Variants in GAD2 observed in about 807,000 individuals in gnomAD.
The protein encoded by GAD2 is 65 kDa glutamic acid decarboxylase.
In GAD2, 22 loss-of-function variants were observed where a neutral mutation model predicts 80.1. The observed-to-expected ratio is 0.27, with a 90% confidence interval of 0.20 to 0.39. GAD2 has a LOEUF of 0.39. Among genes scored for constraint, GAD2 ranks in the 10% least tolerant of loss-of-function variants. The probability of loss-of-function intolerance (pLI) is 1.00; values close to 1 mark genes in which losing one functional copy is unlikely to be tolerated. For synonymous variants in GAD2, 274 were observed against 256.9 expected (o/e 1.07, Z -0.64); for missense variants, 624 against 738.4 (o/e 0.85, Z 1.80).
chr10:26,228,861 G>A (rs1844562612), intron 6 of GAD2, among the ~76,000 whole-genome samples: 1 of 151,928 alleles, frequency 6.6e-6, no homozygotes, highest in African/African-American at 2.4e-5. Context: ...ACGCATCACT[G>A]CTGCCAAAAA....
At chr10:26,290,285 G>A (rs572603862) in intron 13 of GAD2, among the ~76,000 whole-genome samples, 1 of 152,280 alleles carries the variant, frequency 6.6e-6, no homozygotes, top group East Asian at 1.9e-4. Flanking sequence ...CATCATAAAA[G>A]ACAGATTAGG....
At chr10:26,260,129 A>G (rs978969907) in intron 8 of GAD2, among the ~76,000 whole-genome samples, 2 of 152,224 alleles carry the variant, frequency 1.3e-5, no homozygotes, top group African/African-American at 4.8e-5. Context: ...TGTTTTTTAC[A>G]TAGCAAATAT....
chr10:26,249,854 G>A (rs1254410157), intron 8 of GAD2, among the ~76,000 whole-genome samples: 1 of 152,120 alleles, frequency 6.6e-6, no homozygotes, highest in East Asian at 1.9e-4. Flanking sequence ...AGGAGTGGTG[G>A]GGGAAAGGGA....
intron 7 of GAD2, among the ~76,000 whole-genome samples, chr10:26,240,593 A>G (rs1242727838): frequency 1.3e-5 from 2 of 152,034 alleles, no homozygotes; most frequent in Admixed American, 6.6e-5. Flanking sequence ...TTAGCCAGGC[A>G]TGGTGGCAGG....
At chr10:26,292,343 T>C in intron 13 of GAD2, 122 bp from the exon 14 acceptor site, 1 of 691,504 alleles carries the variant, frequency 1.4e-6, no homozygotes, top group Non-Finnish European at 2.5e-6. Context: ...GAAACAGCCT[T>C]GTGTTGAGAA....
chr10:26,249,174 C>T (rs183981716), intron 8 of GAD2, among the ~76,000 whole-genome samples: 54 of 152,178 alleles, frequency 3.5e-4, no homozygotes, highest in African/African-American at 1.2e-3. Context: ...GCGATTCTTG[C>T]GCCTCAGCCT....
rs914053467 is a variant in GAD2, at chr10:26,304,171, C to T, written c.*3210C>T. On this transcript the variant is annotated 3_prime_UTR_variant, in exon 16 of 16. Coordinates refer to ENST00000376261, the MANE Select transcript of GAD2 (RefSeq NM_001134366.2). The stretch of plus-strand genomic sequence containing the variant: ...ATGGAGTGTCACCAGCTGCCAAAAT[C>T]GTAGGTGTTGGCTCTGCTGGTCACT... The T allele has an allele frequency of 1.3e-5, 2 of 152,568 alleles. No homozygotes were observed. The highest frequency in any genetic ancestry group is 4.8e-5 in the African/African-American group (2 of 41,452). 9.5% of individuals were successfully genotyped at this position (152,568 alleles called of 1,614,324 possible).
intron 8 of GAD2, among the ~76,000 whole-genome samples, chr10:26,252,989 A>G (rs907894491): frequency 7.9e-5 from 12 of 152,202 alleles, no homozygotes; most frequent in Non-Finnish European, 1.6e-4. Flanking sequence ...CACAGGGGCT[A>G]ACTTTGGGTG....
At chr10:26,290,329 G>A (rs1834199270) in intron 13 of GAD2, among the ~76,000 whole-genome samples, 1 of 152,182 alleles carries the variant, frequency 6.6e-6, no homozygotes, top group Admixed American at 6.5e-5. Context: ...CACATCTGGG[G>A]AATTTAAAGG....
intron 7 of GAD2, among the ~76,000 whole-genome samples, chr10:26,236,581 G>A (rs955789020): frequency 1.3e-5 from 2 of 152,070 alleles, no homozygotes; most frequent in African/African-American, 4.8e-5. Context: ...AATTACAGGC[G>A]TGAGCCACCG....
rs1844388530 is a variant in GAD2 at position 26,217,415 on chromosome 10, G to A, written c.77-195G>A. On this transcript the variant is annotated intron_variant, in intron 1 of 15. Coordinates refer to ENST00000376261, the MANE Select transcript of GAD2 (RefSeq NM_001134366.2). The surrounding 1 kb of genome is among the most constrained non-coding windows in gnomAD (Gnocchi z 4.9). ...CTCGGGAAACAGATAAAGGAAATGA[G>A]GGCTGGCCCGGGCCGCCAGCCTCCC... Among the ~76,000 whole-genome samples the A allele has an allele frequency of 6.6e-6, 1 of 152,170 alleles. No homozygotes were observed. The highest frequency in any genetic ancestry group is 2.4e-5 in the African/African-American group (1 of 41,440).
chr10:26,296,964 G>C (rs1454893496), intron 15 of GAD2, among the ~76,000 whole-genome samples: 1 of 151,962 alleles, frequency 6.6e-6, no homozygotes, highest in African/African-American at 2.4e-5. Flanking sequence ...GCCCAGGCTG[G>C]AGTACAGTGG....
chr10:26,238,008 A>T (rs1213740166), intron 7 of GAD2, among the ~76,000 whole-genome samples: 1 of 54,542 alleles, frequency 1.8e-5, no homozygotes, highest in Admixed American at 2.0e-4. Flanking sequence ...TCACACAGAC[A>T]CACACACACA....
intron 7 of GAD2, among the ~76,000 whole-genome samples, chr10:26,233,222 T>C (rs1027690706): frequency 6.6e-6 from 1 of 152,208 alleles, no homozygotes; most frequent in Admixed American, 6.5e-5. Context: ...ATGCACCGAC[T>C]ACCACTGTAG....
chr10:26,228,048 C>T (rs76402896), intron 6 of GAD2, among the ~76,000 whole-genome samples: 9,291 of 152,328 alleles, frequency 0.061, 364 homozygotes, highest in Non-Finnish European at 0.085. Context: ...ACATGGAGCC[C>T]TCCTGCTCCT....
At chr10:26,238,909 G>A (rs80061323) in intron 7 of GAD2, among the ~76,000 whole-genome samples, 2,087 of 152,250 alleles carry the variant, frequency 0.014, 43 homozygotes, top group African/African-American at 0.046. Flanking sequence ...AGCGAATGGA[G>A]GTGTCAGAAG....
intron 8 of GAD2, among the ~76,000 whole-genome samples, chr10:26,262,447 G>T (rs1273102555): frequency 1.3e-5 from 2 of 150,998 alleles, no homozygotes; most frequent in African/African-American, 2.4e-5. Flanking sequence ...CAAATGTTAC[G>T]TTTTCTCTCT....
At chr10:26,239,007 T>A (rs1844709206) in intron 7 of GAD2, among the ~76,000 whole-genome samples, 1 of 151,922 alleles carries the variant, frequency 6.6e-6, no homozygotes, top group Non-Finnish European at 1.5e-5. Flanking sequence ...TCAGGAAGCA[T>A]GAGGAAGGGT....
Position 26,258,109 on chromosome 10 carries a change from C to T in GAD2, c.921-11010C>T, listed in dbSNP as rs1844966745. On this transcript the variant is annotated intron_variant, in intron 8 of 15. Transcript: ENST00000376261. ...ACACTGATTGAGAGTTTATGCCGTG[C>T]CAGGCACAGCTCTAGCCACTTTACA... Among the ~76,000 whole-genome samples the T allele has an allele frequency of 2.0e-5, 3 of 152,346 alleles. No homozygotes were observed. In the South Asian group the frequency reaches 6.2e-4, roughly 32 times the overall value.
Sources: gnomAD v4.1 joint callset for allele counts (sites outside exome capture counted in the v4.1 genomes callset) on GRCh38, gnomAD v4.1.1 for gene constraint, Gnocchi (gnomAD v3.1) non-coding constraint, MANE v1.5 for transcripts, NCBI Gene and HGNC (gene_info 2026-07-23, HGNC 2026-07-21) for gene names.